HS3ST5: variants seen among roughly 807,000 people sequenced by gnomAD.
The protein encoded by HS3ST5 is heparan sulfate-glucosamine 3-sulfotransferase 5.
HS3ST5 carries 10 observed loss-of-function variants against 25.4 expected under a neutral mutation model. The observed-to-expected ratio is 0.39, with a 90% CI of 0.24 to 0.67. The LOEUF is 0.67. Among genes scored for constraint, HS3ST5 ranks in the 30% least tolerant of loss-of-function variants. The probability of loss-of-function intolerance (pLI) is 0.44; values close to 1 mark genes in which losing one functional copy is unlikely to be tolerated. For synonymous variants in HS3ST5, 170 were observed against 162.4 expected (o/e 1.05, Z -0.36); for missense variants, 324 against 420.7 (o/e 0.77, Z 2.01).
intron 2 of HS3ST5, among the ~76,000 whole-genome samples, chr6:114,209,337 G>T (rs1781411288): frequency 6.7e-6 from 1 of 148,884 alleles, no homozygotes; most frequent in Non-Finnish European, 1.5e-5. Context: ...TTTTATTACT[G>T]AAAAAAAAAC....
intron 3 of HS3ST5, among the ~76,000 whole-genome samples, chr6:114,110,182 C>A (rs1319783281): frequency 6.6e-6 from 1 of 152,036 alleles, no homozygotes; most frequent in East Asian, 1.9e-4. Flanking sequence ...TTTCCCTTAG[C>A]CTACTTCAAA....
intron 3 of HS3ST5, among the ~76,000 whole-genome samples, chr6:114,158,940 C>T (rs1389647195): frequency 6.6e-6 from 1 of 152,150 alleles, no homozygotes; most frequent in Non-Finnish European, 1.5e-5. Flanking sequence ...CAGTCAAATC[C>T]AGATGCAAAT....
intron 2 of HS3ST5, among the ~76,000 whole-genome samples, chr6:114,185,953 T>C (rs2115033417): frequency 6.6e-6 from 1 of 152,178 alleles, no homozygotes; most frequent in East Asian, 1.9e-4. Flanking sequence ...CAAGCTGTGA[T>C]CTGTGATCTT....
chr6:114,227,721 A>T (rs1446042895), intron 2 of HS3ST5, among the ~76,000 whole-genome samples: 1 of 152,114 alleles, frequency 6.6e-6, no homozygotes, highest in East Asian at 1.9e-4. Flanking sequence ...AGAAAAAGAC[A>T]CAATCCTCAA....
At chr6:114,316,926 G>A (rs1189258321) in intron 1 of HS3ST5, among the ~76,000 whole-genome samples, 10 of 152,174 alleles carry the variant, frequency 6.6e-5, no homozygotes, top group Non-Finnish European at 1.3e-4. Context: ...GGTAGTGGTT[G>A]TTATTTTCAG....
At chr6:114,170,029 C>T (rs962775454) in intron 2 of HS3ST5, among the ~76,000 whole-genome samples, 1 of 152,106 alleles carries the variant, frequency 6.6e-6, no homozygotes, top group East Asian at 1.9e-4. Flanking sequence ...TGAGTAGATA[C>T]ACTTCAGCTT....
intron 3 of HS3ST5, among the ~76,000 whole-genome samples, chr6:114,160,791 A>G (rs1014339016): frequency 6.6e-6 from 1 of 152,272 alleles, no homozygotes; most frequent in Admixed American, 6.5e-5. Context: ...GAAATATGTT[A>G]CTCAGCTATA....
intron 1 of HS3ST5, among the ~76,000 whole-genome samples, chr6:114,293,892 A>G (rs1427154382): frequency 6.6e-6 from 1 of 152,232 alleles, no homozygotes; most frequent in Non-Finnish European, 1.5e-5. Context: ...CCAGGAGACC[A>G]TCAATATCCC....
intron 1 of HS3ST5, among the ~76,000 whole-genome samples, chr6:114,278,525 A>G (rs920882413): frequency 1.3e-5 from 2 of 151,794 alleles, no homozygotes; most frequent in African/African-American, 4.8e-5. Flanking sequence ...TATTTCTAAA[A>G]TACTGATACT....
At chr6:114,127,204 T>G (rs939597500) in intron 3 of HS3ST5, among the ~76,000 whole-genome samples, 1 of 152,170 alleles carries the variant, frequency 6.6e-6, no homozygotes, top group African/African-American at 2.4e-5. Flanking sequence ...CTGGCCAACA[T>G]GGTGAAACCC....
intron 1 of HS3ST5, chr6:114,239,040 T>G (rs1299735532): frequency 6.6e-6 from 1 of 152,218 alleles, no homozygotes. Flanking sequence ...CTCCGTATAT[T>G]GGACATAAAG....
chr6:114,065,014 G>A (rs1325611401), intron 3 of HS3ST5, among the ~76,000 whole-genome samples: 3 of 152,098 alleles, frequency 2.0e-5, no homozygotes, highest in Non-Finnish European at 4.4e-5. Flanking sequence ...CAAAGAGAGA[G>A]CAAAAACAGG....
chr6:114,120,275 A>AT (rs968724794), intron 3 of HS3ST5, among the ~76,000 whole-genome samples: 6 of 152,160 alleles, frequency 3.9e-5, no homozygotes, highest in African/African-American at 1.4e-4. Context: ...CCTTTACCTG[A>AT]TTTTTTTCCC....
At chr6:114,133,837 T>C (rs1239775481) in intron 3 of HS3ST5, among the ~76,000 whole-genome samples, 1 of 151,944 alleles carries the variant, frequency 6.6e-6, no homozygotes, top group Admixed American at 6.6e-5. Context: ...TCAGGACAGT[T>C]TCCAGGGAGG....
chr6:114,212,052 A>G (rs1404323983), intron 2 of HS3ST5, among the ~76,000 whole-genome samples: 1 of 152,230 alleles, frequency 6.6e-6, no homozygotes, highest in Non-Finnish European at 1.5e-5. Flanking sequence ...GGTGTGGTCT[A>G]TAACGGCCTC....
intron 3 of HS3ST5, among the ~76,000 whole-genome samples, chr6:114,140,965 G>C (rs1339368002): frequency 6.6e-6 from 1 of 152,178 alleles, no homozygotes; most frequent in South Asian, 2.1e-4. Context: ...AAATAAGATA[G>C]AGTGAGAAAC....
chr6:114,331,976 A>G (rs1248186951), intron 1 of HS3ST5, among the ~76,000 whole-genome samples: 3 of 152,010 alleles, frequency 2.0e-5, no homozygotes, highest in African/African-American at 7.2e-5. Flanking sequence ...GAACTTAAAT[A>G]ATATGATTAT....
intron 1 of HS3ST5, among the ~76,000 whole-genome samples, chr6:114,294,130 A>G (rs1179704395): frequency 6.6e-6 from 1 of 152,208 alleles, no homozygotes; most frequent in Non-Finnish European, 1.5e-5. Context: ...GCTGCAGGAA[A>G]TTTGGAATGT....
At chr6:114,299,309 T>C (rs1361963151) in intron 1 of HS3ST5, among the ~76,000 whole-genome samples, 1 of 152,178 alleles carries the variant, frequency 6.6e-6, no homozygotes, top group African/African-American at 2.4e-5. Context: ...TCAAACCCTG[T>C]CTGCTGATAA....
Sources: gnomAD v4.1 joint callset for allele counts (sites outside exome capture counted in the v4.1 genomes callset) on GRCh38, gnomAD v4.1.1 for gene constraint, MANE v1.5 for transcripts, NCBI Gene and HGNC (gene_info 2026-07-23, HGNC 2026-07-21) for gene names.